The following ABCA3 variants were observed in gnomAD, a reference collection of about 807,000 sequenced individuals.
ABCA3 encodes phospholipid-transporting ATPase ABCA3.
A neutral mutation model predicts 172.8 loss-of-function variants in ABCA3; 88 were observed. The ratio of observed to expected loss-of-function variants is 0.51; its 90% CI spans 0.43 to 0.61. The LOEUF (loss-of-function observed/expected upper bound fraction) is 0.61, where lower values mean the gene tolerates loss of function less well. Ranked by LOEUF, ABCA3 falls within the 20% of genes least tolerant of loss-of-function variation. ABCA3 has a pLI of 0.00. For missense variants in ABCA3, 2,164 were observed against 2,301.0 expected, an observed-to-expected ratio of 0.94 and a Z score of 1.22; for synonymous variants, 1,066 against 983.8, an observed-to-expected ratio of 1.08 and a Z score of -1.56.
chr16:2,283,947 A>G lies in ABCA3; in HGVS notation c.3862+332T>C. Reference sequence around the variant, plus strand: ...GAGTAGGTGCAGCCAGGAGCTCAGGATGCCTGGAGCCTCCAGGAGATGGGA... The same window carrying G: ...GAGTAGGTGCAGCCAGGAGCTCAGGGTGCCTGGAGCCTCCAGGAGATGGGA... On this transcript the variant is annotated intron_variant, in intron 25 of 32. Coordinates refer to ENST00000301732, the MANE Select transcript of ABCA3 (RefSeq NM_001089.3). The surrounding 1 kb of genome is among the most constrained non-coding windows in gnomAD (Gnocchi z 5.4). 1 of 289,332 alleles carries G rather than the reference A, an allele frequency of 3.5e-6. No homozygotes were observed. 17.9% of individuals were successfully genotyped at this position (289,332 alleles called of 1,614,324 possible). A position where few individuals can be genotyped will look rare whatever the true frequency, so the allele number is the denominator to read the frequency against.
chr16:2,310,362 C>T (rs1244930090), intron 10 of ABCA3, among the ~76,000 whole-genome samples: 2 of 151,568 alleles, frequency 1.3e-5, no homozygotes. Flanking sequence ...GAGCCGAGAT[C>T]GGGTCACTGC....
Position 2,277,198 on chromosome 16 carries a change from C to T in ABCA3, c.4984-393G>A, listed in dbSNP as rs1311163305. Among the ~76,000 whole-genome samples the T allele has an allele frequency of 1.3e-5, 2 of 152,172 alleles. No homozygotes were observed. Among genetic ancestry groups the T allele is most frequent in the East Asian group, 1.9e-4 (1 of 5,198 alleles). ...GCAGTCTCGAACTCCCAGGCTCAAG[C>T]GATCCTCCCACCTTAGCCTCCCGAG... On this transcript the variant is annotated intron_variant, in intron 32 of 32. Transcript: ENST00000301732. This position sits in a 1 kb window ranked among gnomAD's most constrained non-coding sequence, Gnocchi z 5.3.
Position 2,287,907 on chromosome 16 carries a change from A to G in ABCA3, c.3004+119T>C. 1 of 1,302,224 alleles carries G rather than the reference A, an allele frequency of 7.7e-7. No homozygotes were observed. 80.7% of individuals were successfully genotyped at this position (1,302,224 alleles called of 1,614,324 possible). On this transcript the variant is annotated intron_variant, in intron 21 of 32. Coordinates refer to ENST00000301732, the MANE Select transcript of ABCA3 (RefSeq NM_001089.3). This position sits in a 1 kb window ranked among gnomAD's most constrained non-coding sequence, Gnocchi z 4.1. Reference sequence around the variant, plus strand: ...GATGCTGCTGAACCTCCCTCAGTACATTCGGAACAGCCAAGAACCATCCTC... The same window carrying G: ...GATGCTGCTGAACCTCCCTCAGTACGTTCGGAACAGCCAAGAACCATCCTC...
chr16:2,319,252 G>T (rs542287023), intron 8 of ABCA3, among the ~76,000 whole-genome samples: 1 of 152,080 alleles, frequency 6.6e-6, no homozygotes, highest in Non-Finnish European at 1.5e-5. Flanking sequence ...TCTGGAGGCC[G>T]AGGCGGGCGG....
Position 2,281,123 on chromosome 16 carries a change from C to T in ABCA3, c.4263G>A (p.Gly1421=). The part of the protein sequence containing the change: ...CFGLLGFNGA[G]KTTTFKMLTG... Reference sequence around the variant, plus strand: ...TCAGCATTTTGAAAGTCGTGGTCTTCCCGGCTCCATTGAAGCCCAGCAGGC... The same window carrying T: ...TCAGCATTTTGAAAGTCGTGGTCTTTCCGGCTCCATTGAAGCCCAGCAGGC... The change falls in exon 28 of 33, where the codon GGG becomes GGA. Residue 1421 remains glycine, a synonymous_variant. Transcript: ENST00000301732. This position sits in a 1 kb window ranked among gnomAD's most constrained non-coding sequence, Gnocchi z 4.7. 6.2e-7 allele frequency: 1 copy of T among 1,613,962 alleles called. No individual in the cohort carries two copies.
rs771125877 is a variant in ABCA3, at chr16:2,286,936, A to G, written c.3036T>C (p.Ala1012=). Reference sequence around the variant, plus strand: ...CATTAAAGCCGCCCCCCTCCACAGAAGCCCTGAAGATCAAGAACTCCTCCA... The same window carrying G: ...CATTAAAGCCGCCCCCCTCCACAGAGGCCCTGAAGATCAAGAACTCCTCCA... ...GDLEEFLIFR[A]SVEGGGFNER... The change falls in exon 22 of 33, where the codon GCT becomes GCC. Residue 1012 remains alanine (A), a synonymous_variant. Coordinates refer to ENST00000301732, the MANE Select transcript of ABCA3 (RefSeq NM_001089.3). This position sits in a 1 kb window ranked among gnomAD's most constrained non-coding sequence, Gnocchi z 5.2. The G allele has an allele frequency of 6.2e-7, 1 of 1,613,684 alleles. No homozygotes were observed. Among genetic ancestry groups the G allele is most frequent in the African/African-American group, 1.3e-5 (1 of 74,888 alleles).
In ABCA3 at chr16:2,324,515, G is replaced by C. The variant is rs138952710; in HGVS notation, c.336C>G (p.Ser112=). The change falls in exon 6 of 33, where the codon TCC becomes TCG. Residue 112 remains serine (S), a synonymous_variant. Transcript: ENST00000301732. ...VINMRVRGFP[S]EKDFEDYIRY... is the part of the protein sequence containing the mutation. Reference sequence around the variant, plus strand: ...TAATGTAGTCCTCAAAGTCCTTCTCGGAGGGAAAGCCGCGCACTGCAAAGA... The same window carrying C: ...TAATGTAGTCCTCAAAGTCCTTCTCCGAGGGAAAGCCGCGCACTGCAAAGA... 2 of 1,610,406 alleles carry C rather than the reference G, an allele frequency of 1.2e-6. No homozygotes were observed. The highest frequency in any genetic ancestry group is 2.2e-5 in the East Asian group (1 of 44,876).
intron 5 of ABCA3, among the ~76,000 whole-genome samples, chr16:2,325,043 C>T (rs141747349): frequency 3.3e-5 from 5 of 152,212 alleles, no homozygotes; most frequent in South Asian, 2.1e-4. Flanking sequence ...AATTAAAGCC[C>T]GGGAGGTAAA....
In ABCA3 at chr16:2,284,187, G is replaced by A. The variant is rs796741188; in HGVS notation, c.3862+92C>T. ...CGCACCAGCCCCAGGCCACTCAGACGCAGAGGAGCCCCTGCCCTAGGAGGC... is the reference window on the plus strand; with the variant it reads ...CGCACCAGCCCCAGGCCACTCAGACACAGAGGAGCCCCTGCCCTAGGAGGC... On this transcript the variant is annotated intron_variant, in intron 25 of 32. Transcript: ENST00000301732. The surrounding 1 kb of genome is among the most constrained non-coding windows in gnomAD (Gnocchi z 5.9). 25 of 1,460,394 alleles carry A rather than the reference G, an allele frequency of 1.7e-5. 1 individual carries two copies. In the African/African-American group the frequency reaches 3.2e-4, roughly 19 times the overall value. The allele number at this position is 1,460,394 out of a possible 1,614,324, so 90.5% of individuals were successfully genotyped here.
intron 19 of ABCA3, among the ~76,000 whole-genome samples, chr16:2,291,678 G>A (rs1269492034): frequency 6.6e-6 from 1 of 152,202 alleles, no homozygotes; most frequent in Non-Finnish European, 1.5e-5. Context: ...CTGCACTTGG[G>A]GCTCTGACGG....
rs755072660 is a variant in ABCA3, at chr16:2,283,177, G to C, written c.4035+9C>G. 1.2e-6 allele frequency: 2 copies of C among 1,612,308 alleles called. No homozygotes were observed. The highest frequency in any genetic ancestry group is 3.3e-5 in the Admixed American group (2 of 59,930). On this transcript the variant is annotated intron_variant, in intron 26 of 32. Coordinates refer to ENST00000301732, the MANE Select transcript of ABCA3 (RefSeq NM_001089.3). This position sits in a 1 kb window ranked among gnomAD's most constrained non-coding sequence, Gnocchi z 5.4. The stretch of plus-strand genomic sequence containing the variant: ...CTCGCCAGTGTCCTGGGCTCCCGGA[G>C]CCACTCACCAGTGTCCGCCTCCTCC...
At chr16:2,282,008 T>C (rs1391261498) in intron 26 of ABCA3, among the ~76,000 whole-genome samples, 1 of 152,188 alleles carries the variant, frequency 6.6e-6, no homozygotes, top group Non-Finnish European at 1.5e-5. Context: ...CAGGCTGGTC[T>C]AGAACTCCTG....
In ABCA3 at chr16:2,279,260, C is replaced by T. The variant is rs2302035; in HGVS notation, c.4360-130G>A. The T allele has an allele frequency of 0.33, 355,670 of 1,091,784 alleles. 60,326 individuals carry two copies. Among genetic ancestry groups the T allele is most frequent in the Admixed American group, 0.47 (23,225 of 49,478 alleles). The allele number at this position is 1,091,784 out of a possible 1,614,324, so 67.6% of individuals were successfully genotyped here. On this transcript the variant is annotated intron_variant, in intron 28 of 32. Transcript: ENST00000301732. This position sits in a 1 kb window ranked among gnomAD's most constrained non-coding sequence, Gnocchi z 4.4. The stretch of plus-strand genomic sequence containing the variant: ...TGTGGTTCCTGCCAGTGTGTGTACA[C>T]GGGGGCGCTGGAGCTATGCACAGGC...
At position 2,278,330 on chromosome 16, in the gene ABCA3, C is replaced by T. The variant is rs747790474; in HGVS notation, c.4676G>A (p.Arg1559Gln). 23 of 1,610,970 alleles carry T rather than the reference C, an allele frequency of 1.4e-5. No individual in the cohort carries two copies. The highest frequency in any genetic ancestry group is 1.7e-5 in the Non-Finnish European group (20 of 1,179,984). ...GATGGCCTTGCCAGACTCTCGGGCT[C>T]GTGCCACGGTGTCCCAAAGCAGGCG... is the stretch of plus-strand genomic sequence containing the variant. ...ARRLLWDTVA[R>Q]ARESGKAIII... Residue 1559 changes from arginine to glutamine, a missense_variant, in exon 30 of 33, where the codon CGA (arginine) becomes CAA (glutamine). Transcript: ENST00000301732. This position sits in a 1 kb window ranked among gnomAD's most constrained non-coding sequence, Gnocchi z 4.4.
Position 2,286,839 on chromosome 16 carries a change from G to C in ABCA3, c.3133C>G (p.Gln1045Glu), listed in dbSNP as rs1427920654. Residue 1045 changes from glutamine (Q) to glutamate (E), a missense_variant, in exon 22 of 33, where the codon CAG (glutamine) becomes GAG (glutamate). By Grantham distance (29) the Gln-to-Glu change is conservative. This residue lies in a region of ABCA3 where 26 missense variants were observed against 49.5 expected (regional missense o/e 0.53). Transcript: ENST00000301732. This position sits in a 1 kb window ranked among gnomAD's most constrained non-coding sequence, Gnocchi z 5.2. ...GCAGTGGCTGGAGAGTGGTACGCCTGGTTGTTGAACAAGGCGTTGACGACC... is the reference window on the plus strand; with the variant it reads ...GCAGTGGCTGGAGAGTGGTACGCCTCGTTGTTGAACAAGGCGTTGACGACC... ...RTVVNALFNNQAYHSPATALA... is the reference protein window; with the variant it reads ...RTVVNALFNNEAYHSPATALA... 2 of 1,614,142 alleles carry C rather than the reference G, an allele frequency of 1.2e-6. No individual in the cohort carries two copies.
intron 1 of ABCA3, chr16:2,332,371 T>A: frequency 1.1e-6 from 1 of 871,492 alleles, no homozygotes; most frequent in South Asian, 1.3e-5. Context: ...CTTTTTGGAC[T>A]CGCAGGGACG....
In ABCA3 at chr16:2,303,958, T is replaced by C. The variant is rs756958719; in HGVS notation, c.1467+11A>G. Reference sequence around the variant, plus strand: ...GAGGCGGCGGCTCAAGAGCAGGGCATCAGAACTCACCATGATGAAGAAGTA... The same window carrying C: ...GAGGCGGCGGCTCAAGAGCAGGGCACCAGAACTCACCATGATGAAGAAGTA... On this transcript the variant is annotated intron_variant, in intron 12 of 32. Coordinates refer to ENST00000301732, the MANE Select transcript of ABCA3 (RefSeq NM_001089.3). 35 of 1,613,802 alleles carry C rather than the reference T, an allele frequency of 2.2e-5. No homozygotes were observed. Among genetic ancestry groups the C allele is most frequent in the Non-Finnish European group, 2.9e-5 (34 of 1,179,982 alleles).
At position 2,281,262 on chromosome 16, in the gene ABCA3, G is replaced by C; in HGVS notation, c.4165-41C>G. 1 of 1,613,206 alleles carries C rather than the reference G, an allele frequency of 6.2e-7. No homozygotes were observed. Among genetic ancestry groups the C allele is most frequent in the Non-Finnish European group, 8.5e-7 (1 of 1,179,900 alleles). ...AGAAAACACGGAATGCGGAGGCCTG[G>C]ACGCAAAGCAGAGCAGTCTGAGCCT... On this transcript the variant is annotated intron_variant, in intron 27 of 32. Coordinates refer to ENST00000301732, the MANE Select transcript of ABCA3 (RefSeq NM_001089.3). This position sits in a 1 kb window ranked among gnomAD's most constrained non-coding sequence, Gnocchi z 4.7.
chr16:2,303,852 G>T, intron 12 of ABCA3, 117 bp downstream of exon 12: 1 of 1,192,606 alleles, frequency 8.4e-7, no homozygotes, highest in African/African-American at 1.5e-5. Flanking sequence ...AGGGTTCTGT[G>T]TGCCAGCCCC....
Sources: allele counts gnomAD v4.1 joint callset (sites outside exome capture counted in the v4.1 genomes callset), GRCh38; gene constraint gnomAD v4.1.1; regional missense constraint gnomAD v4.1.1; non-coding constraint Gnocchi (gnomAD v3.1); transcripts MANE v1.5; gene names NCBI Gene and HGNC (gene_info 2026-07-23, HGNC 2026-07-21).